The following CDK12 variants were observed in gnomAD, a reference collection of about 807,000 sequenced individuals.
CDK12 encodes cyclin dependent kinase 12.
Under a neutral mutation model 133.8 loss-of-function variants are expected in CDK12, and 17 were observed. The observed-to-expected ratio is 0.13, with a 90% confidence interval of 0.09 to 0.19. The LOEUF (loss-of-function observed/expected upper bound fraction) is 0.19. Ranked by LOEUF, CDK12 falls within the 10% of genes least tolerant of loss-of-function variation. CDK12 has a pLI of 1.00. For missense variants in CDK12, 1,508 were observed against 1,818.7 expected, an observed-to-expected ratio of 0.83 and a Z score of 3.11; for synonymous variants, 694 against 683.6, an observed-to-expected ratio of 1.02 and a Z score of -0.24.
chr17:39,551,193 T>C (rs1345521289), intron 2 of CDK12: 1 of 152,174 alleles, frequency 6.6e-6, no homozygotes, highest in Non-Finnish European at 1.5e-5. Context: ...ATGCAGGATA[T>C]TATTCTCCAT....
intron 7 of CDK12, among the ~76,000 whole-genome samples, chr17:39,510,616 C>A (rs556204079): frequency 6.7e-6 from 1 of 150,184 alleles, no homozygotes; most frequent in East Asian, 2.0e-4. Context: ...CTCTTCTCCT[C>A]CTTTTTCTTT....
chr17:39,502,214 G>A (rs1467022870), intron 6 of CDK12, among the ~76,000 whole-genome samples: 4 of 151,444 alleles, frequency 2.6e-5, no homozygotes, highest in Non-Finnish European at 5.9e-5. Context: ...GTGCAGTGGC[G>A]CGATCTCACC....
Position 39,501,335 on chromosome 17 carries a change from T to C in CDK12, c.2505T>C (p.His835=). The C allele has an allele frequency of 6.2e-7, 1 of 1,613,650 alleles. No homozygotes were observed. The highest frequency in any genetic ancestry group is 1.7e-5 in the Admixed American group (1 of 59,990). The change falls in exon 6 of 14, where the codon CAT becomes CAC. Residue 835 remains histidine, a synonymous_variant. Coordinates refer to ENST00000447079, the MANE Select transcript of CDK12 (RefSeq NM_016507.4). ...GTTTGGTGCACTTTTCTGAGGACCATATCAAGTCGTTCATGAAACAGCTAA... is the reference window on the plus strand; with the variant it reads ...GTTTGGTGCACTTTTCTGAGGACCACATCAAGTCGTTCATGAAACAGCTAA... The part of the protein sequence containing the change: ...ESGLVHFSED[H]IKSFMKQLME...
intron 11 of CDK12, among the ~76,000 whole-genome samples, chr17:39,520,539 C>A (rs2054097180): frequency 6.6e-6 from 1 of 151,966 alleles, no homozygotes; most frequent in Non-Finnish European, 1.5e-5. Context: ...TACAGACACA[C>A]ACCACCACAC....
At chr17:39,496,457 T>C (rs1023766256) in intron 5 of CDK12, among the ~76,000 whole-genome samples, 2 of 152,136 alleles carry the variant, frequency 1.3e-5, no homozygotes, top group Non-Finnish European at 2.9e-5. Context: ...CTCAGCACTT[T>C]GGGAGGCCGA....
chr17:39,526,193 C>A lies in CDK12; in HGVS notation c.3637C>A (p.Leu1213Ile). The A allele has an allele frequency of 1.2e-6, 2 of 1,614,126 alleles. No homozygotes were observed. The highest frequency in any genetic ancestry group is 1.7e-6 in the Non-Finnish European group (2 of 1,180,020). ...PADMQNILAV[L>I]LSQLMKTQEP... ...TGACATGCAGAATATATTGGCAGTTCTCTTGAGTCAGCTGATGAAAACCCA... is the reference window on the plus strand; with the variant it reads ...TGACATGCAGAATATATTGGCAGTTATCTTGAGTCAGCTGATGAAAACCCA... The change falls in exon 13 of 14, where the codon CTC becomes ATC. Residue 1213 changes from leucine (L) to isoleucine (I), a missense_variant. Leu to Ile is a conservative substitution (Grantham distance 5, BLOSUM62 2). This residue lies in a region of CDK12 where 399 missense variants were observed against 469.6 expected (regional missense o/e 0.85). Coordinates refer to ENST00000447079, the MANE Select transcript of CDK12 (RefSeq NM_016507.4).
chr17:39,520,751 C>T (rs2054114285), intron 11 of CDK12, among the ~76,000 whole-genome samples: 1 of 151,904 alleles, frequency 6.6e-6, no homozygotes, highest in South Asian at 2.1e-4. Context: ...TCCTCCACCT[C>T]CCGGGTTCTA....
Position 39,461,717 on chromosome 17 carries a change from G to A in CDK12, c.-355G>A, listed in dbSNP as rs2048973271. 1 of 327,028 alleles carries A rather than the reference G, an allele frequency of 3.1e-6. No individual in the cohort carries two copies. The highest frequency in any genetic ancestry group is 6.0e-5 in the South Asian group (1 of 16,604). The allele number at this position is 327,028 out of a possible 1,614,324, so 20.3% of individuals were successfully genotyped here. ...CTCGCAGGGCCCCAGAGCTGGAGTC[G>A]GCTCCACAGCCCCGGGCCGTCGGCT... On this transcript the variant is annotated 5_prime_UTR_variant, in exon 1 of 14. Transcript: ENST00000447079.
At chr17:39,534,843 C>G, downstream of CDK12, 1 of 155,540 alleles carries the variant, frequency 6.4e-6, no homozygotes, top group Non-Finnish European at 1.4e-5. Flanking sequence ...GCTTCATGTA[C>G]CCTGACTCCT....
At chr17:39,496,465 C>T (rs1177112803) in intron 5 of CDK12, among the ~76,000 whole-genome samples, 1 of 151,888 alleles carries the variant, frequency 6.6e-6, no homozygotes, top group South Asian at 2.1e-4. Flanking sequence ...TTTGGGAGGC[C>T]GAGTCAGGTT....
chr17:39,489,097 T>C (rs939393391), intron 2 of CDK12, among the ~76,000 whole-genome samples: 10 of 150,986 alleles, frequency 6.6e-5, no homozygotes, highest in South Asian at 2.1e-4. Context: ...TTTTTTTTTT[T>C]CGAGATGGAG....
At chr17:39,468,675 A>G (rs887370924) in intron 1 of CDK12, among the ~76,000 whole-genome samples, 37 of 151,728 alleles carry the variant, frequency 2.4e-4, no homozygotes, top group African/African-American at 8.7e-4. Flanking sequence ...GGGTTTCTCC[A>G]TATTGGTCAG....
chr17:39,495,384 GTTTTTTTTTTTTTTT>G (rs60185847), intron 5 of CDK12, among the ~76,000 whole-genome samples: 1 of 110,694 alleles, frequency 9.0e-6, no homozygotes, highest in Non-Finnish European at 1.8e-5. Context: ...GGCCTCATGT[GTTTTTTTTTTTTTTT>G]TTTTTTTTTT....
chr17:39,549,491 C>G (rs1441973241), upstream of CDK12: 1 of 152,338 alleles, frequency 6.6e-6, no homozygotes, highest in African/African-American at 2.4e-5. Context: ...TCTGACCCAT[C>G]TGCTCCCACC....
intron 5 of CDK12, among the ~76,000 whole-genome samples, chr17:39,496,340 T>C (rs1018536942): frequency 6.6e-6 from 1 of 152,164 alleles, no homozygotes; most frequent in African/African-American, 2.4e-5. Flanking sequence ...TGTTTATGCG[T>C]AAACATAGGT....
intron 2 of CDK12, among the ~76,000 whole-genome samples, chr17:39,479,088 C>G (rs1376573525): frequency 6.6e-6 from 1 of 152,090 alleles, no homozygotes; most frequent in Non-Finnish European, 1.5e-5. Context: ...GCGGGCAGAT[C>G]ACGAGGTCAG....
At position 39,530,887 on chromosome 17, in the gene CDK12, C is replaced by T; in HGVS notation, c.4044C>T (p.Phe1348=). ...ACACTGATGGGCCTGAAACAGGGTTCAGTGCCATTGACACTGATGAACGAA... is the reference window on the plus strand; with the variant it reads ...ACACTGATGGGCCTGAAACAGGGTTTAGTGCCATTGACACTGATGAACGAA... ...YGNTDGPETG[F]SAIDTDERNS... is the part of the protein sequence containing the mutation. The change falls in exon 14 of 14, where the codon TTC becomes TTT. Residue 1348 remains phenylalanine (F), a synonymous_variant. Transcript: ENST00000447079. 1 of 1,614,196 alleles carries T rather than the reference C, an allele frequency of 6.2e-7. No homozygotes were observed. Among genetic ancestry groups the T allele is most frequent in the Non-Finnish European group, 8.5e-7 (1 of 1,180,014 alleles).
chr17:39,551,915 T>G (rs1324170305), intron 2 of CDK12, among the ~76,000 whole-genome samples: 1 of 152,172 alleles, frequency 6.6e-6, no homozygotes, highest in Non-Finnish European at 1.5e-5. Flanking sequence ...AGTTCCATGC[T>G]TCATGAGACT....
intron 6 of CDK12, among the ~76,000 whole-genome samples, chr17:39,508,096 A>G (rs779483529): frequency 1.3e-5 from 2 of 152,150 alleles, no homozygotes; most frequent in Non-Finnish European, 2.9e-5. Context: ...GAATATTTAC[A>G]TTATACTTAC....
Sources: gnomAD v4.1 joint callset for allele counts (sites outside exome capture counted in the v4.1 genomes callset) on GRCh38, gnomAD v4.1.1 for gene constraint, gnomAD v4.1.1 regional missense constraint, MANE v1.5 for transcripts, NCBI Gene and HGNC (gene_info 2026-07-23, HGNC 2026-07-21) for gene names.